HFM1: variants seen among roughly 807,000 people sequenced by gnomAD.
The protein encoded by HFM1 is probable ATP-dependent DNA helicase HFM1.
HFM1 carries 169 observed loss-of-function variants against 192.1 expected under a neutral mutation model. The ratio of observed to expected loss-of-function variants is 0.88; its 90% CI spans 0.78 to 1.00. HFM1 has a LOEUF of 1.00. HFM1 is among the 50% of genes least tolerant of loss of function. The pLI is 0.00. For missense variants in HFM1, 1,661 were observed against 1,668.0 expected, an observed-to-expected ratio of 1.00 and a Z score of 0.07; for synonymous variants, 525 against 537.8, an observed-to-expected ratio of 0.98 and a Z score of 0.33.
intron 13 of HFM1, among the ~76,000 whole-genome samples, chr1:91,359,631 A>G (rs1658247880): frequency 6.6e-6 from 1 of 152,074 alleles, no homozygotes; most frequent in Non-Finnish European, 1.5e-5. Flanking sequence ...AAGTAAAGAA[A>G]CCAAACTTAC....
rs1228230514 is a variant in HFM1 at position 91,319,395 on chromosome 1, G to A, written c.2583-5C>T. ...CCTAGTTGAGCCTGAATAAGACTGG[G>A]GGAAAGAAAAAAAATTGTTACTCCC... On this transcript the variant is annotated splice_region_variant and splice_polypyrimidine_tract_variant and intron_variant, in intron 23 of 38. Transcript: ENST00000370425. 2 of 1,589,050 alleles carry A rather than the reference G, an allele frequency of 1.3e-6. No homozygotes were observed. The highest frequency in any genetic ancestry group is 8.6e-7 in the Non-Finnish European group (1 of 1,158,414).
intron 30 of HFM1, among the ~76,000 whole-genome samples, chr1:91,304,147 G>A (rs1411130889): frequency 1.3e-5 from 2 of 151,978 alleles, no homozygotes; most frequent in Admixed American, 1.3e-4. Flanking sequence ...GAGCCACTGT[G>A]CCCGGCCCCT....
intron 11 of HFM1, 161 bp downstream of exon 11, chr1:91,377,864 C>A (rs1304788942): frequency 1.3e-5 from 9 of 672,192 alleles, no homozygotes; most frequent in South Asian, 5.6e-5. Flanking sequence ...AATTTTATGG[C>A]CTTAATACTG....
intron 34 of HFM1, among the ~76,000 whole-genome samples, chr1:91,272,783 A>G (rs1666435948): frequency 6.6e-6 from 1 of 152,044 alleles, no homozygotes; most frequent in Admixed American, 6.6e-5. Context: ...ATGGTATCAC[A>G]AGAGGTAGTG....
chr1:91,369,670 A>G (rs1291059311), intron 13 of HFM1, among the ~76,000 whole-genome samples: 4 of 152,202 alleles, frequency 2.6e-5, no homozygotes, highest in African/African-American at 9.6e-5. Context: ...CTAACATCAC[A>G]ATTAAAAGAA....
chr1:91,342,967 C>G (rs1655566906), intron 20 of HFM1, among the ~76,000 whole-genome samples: 1 of 152,066 alleles, frequency 6.6e-6, no homozygotes, highest in African/African-American at 2.4e-5. Context: ...GTGGCTCAAG[C>G]CTGTAATCCC....
intron 20 of HFM1, among the ~76,000 whole-genome samples, chr1:91,325,902 A>T (rs963078134): frequency 3.9e-5 from 6 of 152,120 alleles, no homozygotes; most frequent in Non-Finnish European, 8.8e-5. Context: ...AAATTTAACA[A>T]AGAGATTGAA....
intron 15 of HFM1, 67 bp from the exon 16 acceptor site, chr1:91,352,718 TAA>T: frequency 8.5e-7 from 1 of 1,175,854 alleles, no homozygotes; most frequent in South Asian, 2.0e-5. Flanking sequence ...CATTTTTTAA[TAA>T]AAGACATTCT....
chr1:91,278,670 C>T (rs367877354), intron 30 of HFM1, among the ~76,000 whole-genome samples: 2 of 152,122 alleles, frequency 1.3e-5, no homozygotes, highest in East Asian at 3.9e-4. Context: ...ATACATATTG[C>T]AGCCTAGGGT....
At chr1:91,298,832 A>T (rs2101011883) in intron 30 of HFM1, among the ~76,000 whole-genome samples, 1 of 152,318 alleles carries the variant, frequency 6.6e-6, no homozygotes, top group African/African-American at 2.4e-5. Context: ...CACTGCAAAA[A>T]CATGCCAAAT....
chr1:91,304,106 C>T (rs1364082066), intron 30 of HFM1, among the ~76,000 whole-genome samples: 1 of 152,132 alleles, frequency 6.6e-6, no homozygotes, highest in African/African-American at 2.4e-5. Flanking sequence ...CTACCCGCCT[C>T]GGCCTCCCAA....
chr1:91,316,560 T>TAA, intron 25 of HFM1, 84 bp from the exon 26 acceptor site: 14 of 456,754 alleles, frequency 3.1e-5, no homozygotes, highest in Middle Eastern at 6.3e-4. Context: ...ACTAAATTAG[T>TAA]AAAAAAAAAA....
At chr1:91,306,619 T>C (rs979849912) in intron 30 of HFM1, among the ~76,000 whole-genome samples, 2 of 152,198 alleles carry the variant, frequency 1.3e-5, no homozygotes, top group African/African-American at 2.4e-5. Flanking sequence ...TTTGGATCTA[T>C]GTTCATGAGA....
chr1:91,379,206 T>C lies in HFM1; in HGVS notation c.1015A>G (p.Ile339Val), dbSNP rs777276467. The change falls in exon 9 of 39, where the codon ATA (isoleucine) becomes GTA (valine). Residue 339 changes from isoleucine to valine, a missense_variant. Transcript: ENST00000370425. ...AAACGCTGACTGCACAAGGCTTTTA[T>C]TGGTGCCACTGTAACAATATAAAAT... ...LNIKIVYMAPIKALCSQRFDD... is the reference protein window; with the variant it reads ...LNIKIVYMAPVKALCSQRFDD... The C allele has an allele frequency of 1.9e-6, 3 of 1,601,984 alleles. No homozygotes were observed. The highest frequency in any genetic ancestry group is 2.2e-5 in the East Asian group (1 of 44,640).
chr1:91,329,069 C>T (rs1653389136), intron 20 of HFM1: 5 of 1,609,808 alleles, frequency 3.1e-6, no homozygotes, highest in South Asian at 1.1e-5. Context: ...TCCTGCTAGG[C>T]AGTGACTACT....
At chr1:91,367,218 G>A (rs967982786) in intron 13 of HFM1, among the ~76,000 whole-genome samples, 13 of 152,202 alleles carry the variant, frequency 8.5e-5, no homozygotes, top group Admixed American at 3.3e-4. Flanking sequence ...AGAAACCTCT[G>A]CAGACTTAAA....
intron 2 of HFM1, among the ~76,000 whole-genome samples, chr1:91,398,727 C>G (rs1273978080): frequency 1.3e-5 from 2 of 151,486 alleles, no homozygotes; most frequent in Non-Finnish European, 2.9e-5. Flanking sequence ...GAGTCTCACT[C>G]TGCCACCCAG....
rs1666889450 is a variant in HFM1 at position 91,277,020 on chromosome 1, T to C, written c.3434A>G (p.His1145Arg). 2 of 1,599,930 alleles carry C rather than the reference T, an allele frequency of 1.3e-6. No homozygotes were observed. The highest frequency in any genetic ancestry group is 2.3e-5 in the East Asian group (1 of 44,244). The change falls in exon 31 of 39, where the codon CAT becomes CGT. Residue 1145 changes from histidine to arginine, a missense_variant. Transcript: ENST00000370425. The part of the protein sequence containing the change: ...SKKPGNRECN[H>R]LCKSKHTCGH... ...ACATGTATGTTTACTTTTACAAAGA[T>C]GATTGCATTCTCGGTTCCCAGGTTT...
intron 2 of HFM1, 48 bp from the exon 3 acceptor site, chr1:91,396,453 C>T: frequency 1.1e-6 from 1 of 929,062 alleles, no homozygotes. Flanking sequence ...AAAGATATAA[C>T]ATGAGAAGCT....
Sources: gnomAD v4.1 joint callset for allele counts (sites outside exome capture counted in the v4.1 genomes callset) on GRCh38, gnomAD v4.1.1 for gene constraint, MANE v1.5 for transcripts, NCBI Gene and HGNC (gene_info 2026-07-23, HGNC 2026-07-21) for gene names.